ERCC8: variants seen among roughly 807,000 people sequenced by gnomAD.
ERCC8 encodes the protein DNA excision repair protein ERCC-8.
ERCC8 carries 52 observed loss-of-function variants against 54.9 expected under a neutral mutation model. That is an observed-to-expected ratio of 0.95 (90% CI 0.76 to 1.19). The LOEUF is 1.19. Ranked by LOEUF, ERCC8 falls within the 50% of genes most tolerant of loss-of-function variation. The probability of loss-of-function intolerance (pLI) is 0.00; values close to 1 mark genes in which losing one functional copy is unlikely to be tolerated. For missense variants in ERCC8, 514 were observed against 466.1 expected (o/e 1.10, Z -0.95); for synonymous variants, 146 against 157.2 (o/e 0.93, Z 0.53).
Position 60,887,501 on chromosome 5 carries a change from C to G in ERCC8, c.1061G>C (p.Arg354Thr), listed in dbSNP as rs559437802. The G allele has an allele frequency of 1.2e-6, 2 of 1,613,902 alleles. No individual in the cohort carries two copies. Among genetic ancestry groups the G allele is most frequent in the Admixed American group, 3.3e-5 (2 of 60,026 alleles). Residue 354 changes from arginine to threonine, a missense_variant, in exon 11 of 12, where the codon AGA (arginine) becomes ACA (threonine). Coordinates refer to ENST00000676185, the MANE Select transcript of ERCC8 (RefSeq NM_000082.4). Reference protein sequence around the residue: ...SNFQELYSGSRDCNILAWVPS... With the variant: ...SNFQELYSGSTDCNILAWVPS... ...AACCCAAGCCAGAATGTTGCAGTCT[C>G]TGCTACCACTATAAAGTTCCTATAA...
chr5:60,911,417 G>A (rs1189031451), intron 4 of ERCC8, among the ~76,000 whole-genome samples: 2 of 151,408 alleles, frequency 1.3e-5, no homozygotes, highest in Admixed American at 6.6e-5. Flanking sequence ...CTCTTCATAT[G>A]CTTTGCCTAC....
At chr5:60,876,125 C>T (rs199605141) in intron 11 of ERCC8, among the ~76,000 whole-genome samples, 1 of 151,670 alleles carries the variant, frequency 6.6e-6, no homozygotes, top group African/African-American at 2.4e-5. Flanking sequence ...GAGAACTTGG[C>T]GGTGTTTGGG....
At chr5:60,937,535 G>A (rs564481368) in intron 1 of ERCC8, among the ~76,000 whole-genome samples, 64 of 152,314 alleles carry the variant, frequency 4.2e-4, no homozygotes, top group African/African-American at 1.5e-3. Flanking sequence ...GGGGGATTAT[G>A]GCTGCCTCTG....
rs757197052 is a variant in ERCC8 at position 60,887,518 on chromosome 5, T to C, written c.1044A>G (p.Glu348=). 2 of 1,612,812 alleles carry C rather than the reference T, an allele frequency of 1.2e-6. No individual in the cohort carries two copies. Among genetic ancestry groups the C allele is most frequent in the Admixed American group, 3.3e-5 (2 of 60,006 alleles). ...TGCAGTCTCTGCTACCACTATAAAG[T>C]TCCTATAACATAGAAGGCAAAGATG... ...DCCVFQSNFQ[E]LYSGSRDCNI... The change falls in exon 11 of 12, where the codon GAA becomes GAG. Residue 348 remains glutamate (E), a splice_region_variant and synonymous_variant. Transcript: ENST00000676185.
chr5:60,919,418 T>C (rs915227928), intron 3 of ERCC8: 1 of 151,976 alleles, frequency 6.6e-6, no homozygotes, highest in Non-Finnish European at 1.5e-5. Context: ...CCTATGCAGA[T>C]ACAACCGTGA....
At chr5:60,889,468 G>T (rs1748485659) in intron 10 of ERCC8, among the ~76,000 whole-genome samples, 1 of 152,040 alleles carries the variant, frequency 6.6e-6, no homozygotes, top group African/African-American at 2.4e-5. Context: ...ACCACACCTG[G>T]CTGATTTTTT....
In ERCC8 at chr5:60,892,505, A is replaced by C. The variant is rs932039177; in HGVS notation, c.844-1419T>G. 5 of 592,664 alleles carry C rather than the reference A, an allele frequency of 8.4e-6. No homozygotes were observed. The African/African-American group carries it at 9.2e-5, about 11-fold the overall frequency. 36.7% of individuals were successfully genotyped at this position (592,664 alleles called of 1,614,324 possible). On this transcript the variant is annotated intron_variant, in intron 9 of 11. Coordinates refer to ENST00000676185, the MANE Select transcript of ERCC8 (RefSeq NM_000082.4). Reference sequence around the variant, plus strand: ...AGCTGATCTTCCCGCTCACCCAGTCAGCTAGGACAGTTTTGGCTGCCTGCT... The same window carrying C: ...AGCTGATCTTCCCGCTCACCCAGTCCGCTAGGACAGTTTTGGCTGCCTGCT...
intron 4 of ERCC8, among the ~76,000 whole-genome samples, chr5:60,911,863 T>G (rs1027495728): frequency 3.9e-5 from 6 of 152,128 alleles, no homozygotes; most frequent in African/African-American, 9.7e-5. Flanking sequence ...TTTCCCCATT[T>G]CTTGTTTTTG....
intron 11 of ERCC8, among the ~76,000 whole-genome samples, chr5:60,879,390 TG>T (rs1286627592): frequency 6.6e-6 from 1 of 152,216 alleles, no homozygotes; most frequent in African/African-American, 2.4e-5. Flanking sequence ...TAGGTCTGCT[TG>T]GTGCAGAGCT....
At chr5:60,943,280 AT>A (rs1225632088) in intron 1 of ERCC8, among the ~76,000 whole-genome samples, 2 of 152,154 alleles carry the variant, frequency 1.3e-5, no homozygotes, top group East Asian at 3.9e-4. Flanking sequence ...CAAAAAAAAA[AT>A]ATTTTTTTAA....
intron 1 of ERCC8, among the ~76,000 whole-genome samples, chr5:60,934,983 TGAA>T (rs1750022450): frequency 6.6e-6 from 1 of 152,216 alleles, no homozygotes; most frequent in Non-Finnish European, 1.5e-5. Context: ...TAGTATAGTT[TGAA>T]GAAGGGTAAG....
chr5:60,878,960 T>C (rs945791278), intron 11 of ERCC8, among the ~76,000 whole-genome samples: 3 of 152,216 alleles, frequency 2.0e-5, no homozygotes, highest in Admixed American at 2.0e-4. Context: ...ATTGTGATGT[T>C]AGGGTGTCCA....
At chr5:60,882,738 T>C (rs1251055749) in intron 11 of ERCC8, among the ~76,000 whole-genome samples, 1 of 152,196 alleles carries the variant, frequency 6.6e-6, no homozygotes, top group Non-Finnish European at 1.5e-5. Flanking sequence ...CTAGCCACGG[T>C]ACACTTATTT....
At chr5:60,898,250 C>T in intron 9 of ERCC8, 26 bp downstream of exon 9, 1 of 1,608,706 alleles carries the variant, frequency 6.2e-7, no homozygotes, top group Non-Finnish European at 8.5e-7. Context: ...AATTTATACC[C>T]AAATATATAC....
intron 11 of ERCC8, among the ~76,000 whole-genome samples, chr5:60,884,494 A>G (rs1281846196): frequency 4.3e-5 from 6 of 139,450 alleles, no homozygotes; most frequent in South Asian, 2.3e-4. Context: ...AAAAAAAAAA[A>G]GACTATGTGT....
At chr5:60,938,077 ATATATATATTTTATT>A (rs1561519083) in intron 1 of ERCC8, among the ~76,000 whole-genome samples, 2 of 18,288 alleles carry the variant, frequency 1.1e-4, no homozygotes, top group African/African-American at 4.5e-4. Context: ...ATATATATAT[ATATATATATTTTATT>A]TTTTTTTTTT....
At chr5:60,908,797 T>A (rs1580011088) in intron 4 of ERCC8, among the ~76,000 whole-genome samples, 1 of 151,962 alleles carries the variant, frequency 6.6e-6, no homozygotes, top group African/African-American at 2.4e-5. Context: ...GAGTCCAGCA[T>A]AAGAACCATT....
At chr5:60,908,969 T>G (rs549399110) in intron 4 of ERCC8, among the ~76,000 whole-genome samples, 2 of 152,124 alleles carry the variant, frequency 1.3e-5, no homozygotes, top group East Asian at 3.9e-4. Flanking sequence ...GACTCTAATA[T>G]GACTTTTAAA....
At position 60,867,563 on chromosome 5, in the gene ERCC8, T is replaced by C. The variant is rs1302688737; in HGVS notation, c.*7052A>G. Among the ~76,000 whole-genome samples the C allele has an allele frequency of 6.6e-6, 1 of 152,238 alleles. No homozygotes were observed. The highest frequency in any genetic ancestry group is 2.1e-4 in the South Asian group (1 of 4,834). ...TATATGTAAGAAACCATTAGAATATTACAATAAAAGTTAATAACTCAGTTC... is the reference window on the plus strand; with the variant it reads ...TATATGTAAGAAACCATTAGAATATCACAATAAAAGTTAATAACTCAGTTC... On this transcript the variant is annotated 3_prime_UTR_variant, in exon 12 of 12. Transcript: ENST00000676185.
Sources: allele counts gnomAD v4.1 joint callset (sites outside exome capture counted in the v4.1 genomes callset), GRCh38; gene constraint gnomAD v4.1.1; transcripts MANE v1.5; gene names NCBI Gene and HGNC (gene_info 2026-07-23, HGNC 2026-07-21).